OGG1: variants seen among roughly 807,000 people sequenced by gnomAD.
OGG1 encodes 8-oxoguanine DNA glycosylase.
Under a neutral mutation model 42.3 loss-of-function variants are expected in OGG1, and 35 were observed. That is an observed-to-expected ratio of 0.83 (90% CI 0.63 to 1.10). OGG1 has a LOEUF of 1.10. OGG1 is among the 50% of genes least tolerant of loss of function. The probability of loss-of-function intolerance (pLI) is 0.00; values close to 1 mark genes in which losing one functional copy is unlikely to be tolerated. For synonymous variants in OGG1, 189 were observed against 179.0 expected (o/e 1.06, Z -0.44); for missense variants, 484 against 446.7 (o/e 1.08, Z -0.75).
In OGG1 at chr3:9,750,248, G is replaced by T; in HGVS notation, c.-39G>T. The T allele has an allele frequency of 6.3e-7, 1 of 1,593,032 alleles. No homozygotes were observed. Among genetic ancestry groups the T allele is most frequent in the South Asian group, 1.1e-5 (1 of 89,244 alleles). On this transcript the variant is annotated 5_prime_UTR_variant, in exon 1 of 7. Transcript: ENST00000344629. ...TGGGCGTCGACGAGGCCTGGTTCTG[G>T]GTAGGCGGGGCTACTACGGGGCGGT...
downstream of OGG1, among the ~76,000 whole-genome samples, chr3:9,770,604 G>C (rs756657246): frequency 6.6e-6 from 1 of 152,198 alleles, no homozygotes; most frequent in Non-Finnish European, 1.5e-5. Flanking sequence ...GGAGGAGGAA[G>C]TTAAATCGGG....
chr3:9,788,794 C>T (rs2125625786), downstream of OGG1, among the ~76,000 whole-genome samples: 1 of 152,116 alleles, frequency 6.6e-6, no homozygotes, highest in East Asian at 1.9e-4. Context: ...CCTGCCACAG[C>T]CTCCCAAAGT....
rs1382074664 is a variant in OGG1 at position 9,751,916 on chromosome 3, T to C, written c.532T>C (p.Tyr178His). ...PRLIQLDDVT[Y>H]HGFPSLQALA... ...GCTCATCCAGCTTGATGATGTCACC[T>C]ACCATGGCTTCCCCAGCCTGCAGGC... is the stretch of plus-strand genomic sequence containing the variant. The change falls in exon 3 of 7, where the codon TAC becomes CAC. Residue 178 changes from tyrosine to histidine, a missense_variant. Transcript: ENST00000344629. The C allele has an allele frequency of 1.9e-6, 3 of 1,614,090 alleles. No individual in the cohort carries two copies. Among genetic ancestry groups the C allele is most frequent in the Non-Finnish European group, 2.5e-6 (3 of 1,180,034 alleles).
At chr3:9,763,508 G>A (rs748650866) in intron 7 of OGG1, among the ~76,000 whole-genome samples, 93 of 151,668 alleles carry the variant, frequency 6.1e-4, no homozygotes, top group African/African-American at 6.8e-4. Flanking sequence ...CAAGGATCTC[G>A]TCCCCAAAGG....
downstream of OGG1, chr3:9,757,917 G>A (rs936547812): frequency 5.2e-6 from 8 of 1,525,136 alleles, no homozygotes; most frequent in Middle Eastern, 1.9e-4. This position sits in a 1 kb window ranked among gnomAD's most constrained non-coding sequence, Gnocchi z 4.5. Flanking sequence ...GGGCAGGGGC[G>A]CAGTGGGATT....
downstream of OGG1, chr3:9,789,469 C>A: frequency 6.3e-7 from 1 of 1,583,780 alleles, no homozygotes. Context: ...TCTGAACTCT[C>A]TTGTTCCGCA....
chr3:9,780,464 T>C lies in OGG1; in HGVS notation c.295-1049T>C, dbSNP rs745589549. ...CGCTTCTTCTGCCGGGCAGCCATGA[T>C]CTTGCGAAAGGCGTCCATGACCTCG... On this transcript the variant is annotated intron_variant, in intron 2 of 3. Coordinates refer to the OGG1 transcript ENST00000426518. 8.7e-6 allele frequency: 14 copies of C among 1,611,858 alleles called. No homozygotes were observed. In the East Asian group the frequency reaches 2.9e-4, roughly 33 times the overall value.
intron 3 of OGG1, among the ~76,000 whole-genome samples, chr3:9,786,288 C>G (rs1486404471): frequency 1.3e-5 from 2 of 152,130 alleles, no homozygotes; most frequent in Admixed American, 1.3e-4. Context: ...CCCAGAGTGA[C>G]CTTGTGCAGA....
chr3:9,785,425 C>T, intron 3 of OGG1: 2 of 1,606,818 alleles, frequency 1.2e-6, no homozygotes, highest in Non-Finnish European at 1.7e-6. Flanking sequence ...ATAATATTTT[C>T]CTAGAAGACC....
Position 9,757,033 on chromosome 3 carries a change from T to C in OGG1, c.949-28T>C, listed in dbSNP as rs1190697251. 6.2e-7 allele frequency: 1 copy of C among 1,613,636 alleles called. No homozygotes were observed. Among genetic ancestry groups the C allele is most frequent in the Non-Finnish European group, 8.5e-7 (1 of 1,179,988 alleles). On this transcript the variant is annotated intron_variant, in intron 6 of 6. Transcript: ENST00000344629. This position sits in a 1 kb window ranked among gnomAD's most constrained non-coding sequence, Gnocchi z 4.5. ...CAGCCCTGACCCCAGTGTACCCTCC[T>C]CCCCACACAGACTCCACCCTCCTAC...
chr3:9,790,058 G>A, downstream of OGG1: 1 of 1,424,368 alleles, frequency 7.0e-7, no homozygotes. Context: ...AATCTACAGA[G>A]GCTCCTGGGT....
chr3:9,784,492 C>T (rs2078558291), intron 3 of OGG1, among the ~76,000 whole-genome samples: 1 of 151,842 alleles, frequency 6.6e-6, no homozygotes, highest in African/African-American at 2.4e-5. Flanking sequence ...ATATATATTC[C>T]AGATTTTGTT....
intron 3 of OGG1, among the ~76,000 whole-genome samples, chr3:9,782,833 C>G (rs1351354958): frequency 1.3e-5 from 2 of 151,732 alleles, no homozygotes; most frequent in Non-Finnish European, 2.9e-5. Context: ...GTGCCCTGTC[C>G]TGTCAGGGCT....
chr3:9,788,386 C>T (rs1300975685), downstream of OGG1, among the ~76,000 whole-genome samples: 6 of 151,966 alleles, frequency 3.9e-5, no homozygotes, highest in Non-Finnish European at 8.8e-5. Flanking sequence ...GCTGGGACTA[C>T]AGGCGCCCGC....
downstream of OGG1, among the ~76,000 whole-genome samples, chr3:9,788,406 C>T (rs924131439): frequency 2.6e-5 from 4 of 151,698 alleles, no homozygotes; most frequent in Admixed American, 6.6e-5. Context: ...CCACCACGCC[C>T]GGCTAATTTT....
intron 3 of OGG1, chr3:9,784,025 C>CACCTCAGCA: frequency 6.2e-7 from 1 of 1,612,896 alleles, no homozygotes; most frequent in Non-Finnish European, 8.5e-7. Flanking sequence ...TGCTAACGCT[C>CACCTCAGCA]ACCTCAGCAG....
intron 7 of OGG1, chr3:9,763,171 C>G (rs1330382466): frequency 1.9e-6 from 3 of 1,614,040 alleles, no homozygotes; most frequent in Non-Finnish European, 2.5e-6. Context: ...GGCCCCCACT[C>G]TCATAGATGT....
At chr3:9,753,472 G>A (rs1399041305) in intron 3 of OGG1, among the ~76,000 whole-genome samples, 1 of 151,958 alleles carries the variant, frequency 6.6e-6, no homozygotes, top group Admixed American at 6.6e-5. Context: ...CTAATACGGT[G>A]AAACCCCGTC....
At chr3:9,762,733 T>G (rs2077944592) in intron 7 of OGG1, among the ~76,000 whole-genome samples, 1 of 152,102 alleles carries the variant, frequency 6.6e-6, no homozygotes, top group Non-Finnish European at 1.5e-5. Context: ...AATTCACTCG[T>G]GTTCCTTTGA....
Sources: allele counts gnomAD v4.1 joint callset (sites outside exome capture counted in the v4.1 genomes callset), GRCh38; gene constraint gnomAD v4.1.1; non-coding constraint Gnocchi (gnomAD v3.1); transcripts MANE v1.5; gene names NCBI Gene and HGNC (gene_info 2026-07-23, HGNC 2026-07-21).